Variants in LRRFIP1 observed in about 807,000 individuals in gnomAD.
LRRFIP1 encodes the protein leucine-rich repeat flightless-interacting protein 1.
Under a neutral mutation model 104.4 loss-of-function variants are expected in LRRFIP1, and 62 were observed. The ratio of observed to expected loss-of-function variants is 0.59; its 90% confidence interval spans 0.48 to 0.73. The LOEUF (loss-of-function observed/expected upper bound fraction) is 0.73. LRRFIP1 is among the 30% of genes least tolerant of loss of function. The probability of loss-of-function intolerance (pLI) is 0.00; values close to 1 mark genes in which losing one functional copy is unlikely to be tolerated. For synonymous variants in LRRFIP1, 300 were observed against 299.0 expected (o/e 1.00, Z -0.03); for missense variants, 796 against 824.5 (o/e 0.97, Z 0.42).
At chr2:237,697,043 A>T (rs1279220453) in intron 1 of LRRFIP1, among the ~76,000 whole-genome samples, 1 of 152,008 alleles carries the variant, frequency 6.6e-6, no homozygotes, top group Non-Finnish European at 1.5e-5. Flanking sequence ...TTTTTTATTG[A>T]GACAGTCGTG....
chr2:237,762,909 A>T lies in LRRFIP1; in HGVS notation c.1459+2704A>T, dbSNP rs138673610. 76 of 1,614,226 alleles carry T rather than the reference A, an allele frequency of 4.7e-5. No homozygotes were observed. In the African/African-American group the frequency reaches 8.1e-4, roughly 17 times the overall value. On this transcript the variant is annotated intron_variant, in intron 19 of 23. Transcript: ENST00000308482. ...AATGAGGTCATGGGTGCACCAGATG[A>T]CAGGACCAGAACTCCCCTTGAGCCA...
In LRRFIP1 at chr2:237,781,412, C is replaced by T. The variant is rs778935476; in HGVS notation, c.*1880C>T. Among the ~76,000 whole-genome samples the T allele has an allele frequency of 7.2e-5, 11 of 152,152 alleles. No individual in the cohort carries two copies. The highest frequency in any genetic ancestry group is 1.3e-4 in the Non-Finnish European group (9 of 68,038). On this transcript the variant is annotated 3_prime_UTR_variant, in exon 24 of 24. Transcript: ENST00000308482. ...GGAAGGTGAACTGGCAGAAGTCTCCCAGCTGGTAGAACAGGGCTGCAAGGC... is the reference window on the plus strand; with the variant it reads ...GGAAGGTGAACTGGCAGAAGTCTCCTAGCTGGTAGAACAGGGCTGCAAGGC...
intron 22 of LRRFIP1, 77 bp downstream of exon 22, chr2:237,773,022 G>C: frequency 7.9e-7 from 1 of 1,273,274 alleles, no homozygotes. Context: ...GAAAGGCTGA[G>C]GACCAGAAAA....
chr2:237,631,129 A>C (rs2082284495), intron 1 of LRRFIP1, among the ~76,000 whole-genome samples: 1 of 152,156 alleles, frequency 6.6e-6, no homozygotes, highest in African/African-American at 2.4e-5. Flanking sequence ...CTGAATGGAA[A>C]CTGGGGAGGC....
At chr2:237,708,867 C>G in intron 2 of LRRFIP1, 1 of 644,866 alleles carries the variant, frequency 1.6e-6, no homozygotes, top group Non-Finnish European at 3.0e-6. Context: ...AAGCCTCTTG[C>G]CTGCGCAGAT....
At chr2:237,643,951 G>A (rs2084454329) in intron 1 of LRRFIP1, among the ~76,000 whole-genome samples, 1 of 152,196 alleles carries the variant, frequency 6.6e-6, no homozygotes, top group South Asian at 2.1e-4. Flanking sequence ...GGCCAGGGTG[G>A]TTTGCGACCT....
At chr2:237,775,787 A>G (rs1312016177) in intron 23 of LRRFIP1, among the ~76,000 whole-genome samples, 6 of 152,062 alleles carry the variant, frequency 3.9e-5, no homozygotes, top group Non-Finnish European at 8.8e-5. Context: ...GCTTTGACAC[A>G]TGAGCGTGCC....
intron 19 of LRRFIP1, among the ~76,000 whole-genome samples, chr2:237,762,430 C>T (rs1291196409): frequency 6.6e-6 from 1 of 152,202 alleles, no homozygotes; most frequent in Non-Finnish European, 1.5e-5. Context: ...TTTACTAATG[C>T]AACTGCTGCT....
intron 1 of LRRFIP1, among the ~76,000 whole-genome samples, chr2:237,636,541 C>T (rs75991096): frequency 1.3e-5 from 2 of 152,066 alleles, no homozygotes; most frequent in Non-Finnish European, 2.9e-5. Context: ...GGATATTAAG[C>T]AAATTCACTT....
chr2:237,739,616 T>A (rs2095354523), intron 11 of LRRFIP1, among the ~76,000 whole-genome samples: 1 of 152,214 alleles, frequency 6.6e-6, no homozygotes, highest in African/African-American at 2.4e-5. Context: ...AAGTGTTACC[T>A]GTGATCAGAC....
At chr2:237,731,523 A>G (rs1044337508) in intron 8 of LRRFIP1, among the ~76,000 whole-genome samples, 19 of 150,138 alleles carry the variant, frequency 1.3e-4, no homozygotes, top group African/African-American at 3.8e-4. Flanking sequence ...TTGACTCAGT[A>G]TATGATCAGC....
At chr2:237,715,622 CAGGGA>C (rs2150111545) in intron 3 of LRRFIP1, among the ~76,000 whole-genome samples, 1 of 152,298 alleles carries the variant, frequency 6.6e-6, no homozygotes, top group African/African-American at 2.4e-5. Flanking sequence ...AAGGTGTGCC[CAGGGA>C]AGGGAAGGCT....
intron 11 of LRRFIP1, among the ~76,000 whole-genome samples, chr2:237,741,063 T>TG (rs1406650528): frequency 6.6e-6 from 1 of 152,172 alleles, no homozygotes; most frequent in Non-Finnish European, 1.5e-5. Flanking sequence ...GCATTTGAGT[T>TG]TGTGTTCCAC....
At chr2:237,768,891 C>T (rs956667394) in intron 19 of LRRFIP1, 3 of 152,168 alleles carry the variant, frequency 2.0e-5, no homozygotes, top group African/African-American at 7.2e-5. Context: ...CGCATGACAG[C>T]AGTGTCCTAG....
At chr2:237,749,831 A>G (rs2058362017) in intron 13 of LRRFIP1, among the ~76,000 whole-genome samples, 1 of 152,058 alleles carries the variant, frequency 6.6e-6, no homozygotes, top group Admixed American at 6.5e-5. Context: ...ACTGTAGTGT[A>G]GGTATTATTC....
chr2:237,751,364 C>CT, intron 14 of LRRFIP1, 93 bp downstream of exon 14: 2 of 1,032,028 alleles, frequency 1.9e-6, no homozygotes, highest in South Asian at 3.0e-5. Context: ...AAAGTGCATG[C>CT]TTACTGTAAA....
At chr2:237,667,004 C>A (rs1359454315) in intron 1 of LRRFIP1, among the ~76,000 whole-genome samples, 1 of 150,274 alleles carries the variant, frequency 6.7e-6, no homozygotes, top group Non-Finnish European at 1.5e-5. Flanking sequence ...TCACAGATAG[C>A]TTGTTTCTAG....
At chr2:237,732,310 T>C (rs760174268) in intron 8 of LRRFIP1, among the ~76,000 whole-genome samples, 21 of 152,234 alleles carry the variant, frequency 1.4e-4, no homozygotes, top group Admixed American at 7.9e-4. Flanking sequence ...TCCTCTCTGC[T>C]GCCCATTTGC....
At chr2:237,659,602 A>C (rs1240808392) in intron 1 of LRRFIP1, among the ~76,000 whole-genome samples, 1 of 148,226 alleles carries the variant, frequency 6.7e-6, no homozygotes, top group Non-Finnish European at 1.5e-5. Flanking sequence ...ATATGTTTAT[A>C]ATATATTTAT....
Sources: gnomAD v4.1 joint callset for allele counts (sites outside exome capture counted in the v4.1 genomes callset) on GRCh38, gnomAD v4.1.1 for gene constraint, MANE v1.5 for transcripts, NCBI Gene and HGNC (gene_info 2026-07-23, HGNC 2026-07-21) for gene names.